The following BABAM2 variants were observed in gnomAD, a reference collection of about 807,000 sequenced individuals.
The protein encoded by BABAM2 is BRISC and BRCA1-A complex member 2.
BABAM2 carries 31 observed loss-of-function variants against 54.7 expected under a neutral mutation model. That is an observed-to-expected ratio of 0.57 (90% confidence interval 0.43 to 0.77). The LOEUF is 0.77. Among genes scored for constraint, BABAM2 ranks in the 30% least tolerant of loss-of-function variants. The pLI, the probability that BABAM2 is intolerant of heterozygous loss-of-function variation, is 0.00. For synonymous variants in BABAM2, 167 were observed against 162.9 expected, an observed-to-expected ratio of 1.03 and a Z score of -0.19; for missense variants, 364 against 455.8, an observed-to-expected ratio of 0.80 and a Z score of 1.83.
Position 27,894,700 on chromosome 2 carries a change from A to C in BABAM2, c.128+16A>C, listed in dbSNP as rs760577310. 3.1e-6 allele frequency: 5 copies of C among 1,613,878 alleles called. No individual in the cohort carries two copies. Among genetic ancestry groups the C allele is most frequent in the South Asian group, 2.2e-5 (2 of 91,070 alleles). On this transcript the variant is annotated intron_variant, in intron 2 of 11. Coordinates refer to ENST00000379624, the MANE Select transcript of BABAM2 (RefSeq NM_199191.3). ...TAAAATCTGGGTATGTACCAGAATG[A>C]ATTCAGTCAATGTACCAGAACCAAT... is the stretch of plus-strand genomic sequence containing the variant.
chr2:27,975,885 C>T (rs1671568393), intron 3 of BABAM2, among the ~76,000 whole-genome samples: 1 of 151,908 alleles, frequency 6.6e-6, no homozygotes, highest in Non-Finnish European at 1.5e-5. Context: ...AAATGGGGAA[C>T]AGATCTGAAC....
chr2:28,273,349 C>T (rs1370460135), intron 10 of BABAM2, among the ~76,000 whole-genome samples: 1 of 152,206 alleles, frequency 6.6e-6, no homozygotes, highest in Non-Finnish European at 1.5e-5. Context: ...TTCTTCTCTT[C>T]TCTCCTCTCC....
intron 7 of BABAM2, among the ~76,000 whole-genome samples, chr2:28,168,954 GCC>G (rs1290622299): frequency 1.3e-5 from 2 of 152,126 alleles, no homozygotes; most frequent in Admixed American, 6.5e-5. Flanking sequence ...TCCCTCATTG[GCC>G]ACCTGTAGCC....
intron 6 of BABAM2, among the ~76,000 whole-genome samples, chr2:28,077,231 T>G (rs1664767768): frequency 6.6e-6 from 1 of 152,232 alleles, no homozygotes; most frequent in Admixed American, 6.5e-5. Context: ...CAACCTGCTA[T>G]ATTTGAATAT....
rs181369111 is a variant in BABAM2 at position 27,898,900 on chromosome 2, T to C, written c.128+4216T>C. On this transcript the variant is annotated intron_variant, in intron 2 of 11. Transcript: ENST00000379624. ...TGGGAATAGATGAAGAATGATCAAA[T>C]TGCACACTTCACAGTGATTTTATGG... Among the ~76,000 whole-genome samples the C allele has an allele frequency of 9.9e-5, 15 of 151,914 alleles. No individual in the cohort carries two copies. In the East Asian group the frequency reaches 2.9e-3, roughly 29 times the overall value.
intron 7 of BABAM2, among the ~76,000 whole-genome samples, chr2:28,165,529 CT>C (rs1192641957): frequency 0.015 from 1,078 of 72,200 alleles, no homozygotes; most frequent in Middle Eastern, 0.04. Context: ...TTTTTCCTTG[CT>C]TTTTTTTTTT....
chr2:28,175,310 C>T (rs1674800383), intron 7 of BABAM2, among the ~76,000 whole-genome samples: 1 of 152,216 alleles, frequency 6.6e-6, no homozygotes, highest in East Asian at 1.9e-4. Flanking sequence ...ACTACCACTG[C>T]TGCCACCACC....
At chr2:28,057,421 G>A (rs758989046) in intron 6 of BABAM2, among the ~76,000 whole-genome samples, 1 of 152,144 alleles carries the variant, frequency 6.6e-6, no homozygotes, top group Admixed American at 6.6e-5. Flanking sequence ...GATCCAGAAA[G>A]GGAAGTGGGG....
chr2:27,893,361 A>C (rs1665017965), intron 1 of BABAM2, among the ~76,000 whole-genome samples: 1 of 152,194 alleles, frequency 6.6e-6, no homozygotes, highest in South Asian at 2.1e-4. Context: ...AAATACCTTA[A>C]GATCCATGTT....
intron 10 of BABAM2, among the ~76,000 whole-genome samples, chr2:28,291,595 CA>C (rs527427296): frequency 0.019 from 2,491 of 131,120 alleles, 59 homozygotes; most frequent in African/African-American, 0.061. Context: ...ACTCCGTCTC[CA>C]AAAAAAAAAA....
At chr2:28,237,952 C>T (rs758040417) in intron 8 of BABAM2, among the ~76,000 whole-genome samples, 3 of 152,052 alleles carry the variant, frequency 2.0e-5, no homozygotes, top group South Asian at 2.1e-4. Context: ...CGGGTTCAAG[C>T]GATTCTCCTG....
At chr2:28,060,663 A>G (rs114765323) in intron 6 of BABAM2, among the ~76,000 whole-genome samples, 3,350 of 152,314 alleles carry the variant, frequency 0.022, 128 homozygotes, top group African/African-American at 0.077. Context: ...AGGTCAATAT[A>G]TAAAATCAAT....
At chr2:28,101,019 G>A (rs1035299286) in intron 6 of BABAM2, among the ~76,000 whole-genome samples, 3 of 152,294 alleles carry the variant, frequency 2.0e-5, no homozygotes. Flanking sequence ...TCCACAGATA[G>A]CAGGGAACAG....
intron 6 of BABAM2, among the ~76,000 whole-genome samples, chr2:28,064,002 C>CT (rs915207291): frequency 3.3e-5 from 5 of 152,180 alleles, no homozygotes; most frequent in Non-Finnish European, 5.9e-5. Context: ...AGCCCACGCT[C>CT]TTTTTACCCC....
chr2:27,943,664 A>G (rs1669091536), intron 3 of BABAM2, among the ~76,000 whole-genome samples: 1 of 152,234 alleles, frequency 6.6e-6, no homozygotes, highest in South Asian at 2.1e-4. Flanking sequence ...AGTTGAGCTA[A>G]GTAAAAAGTT....
chr2:28,050,637 TTATAA>T (rs1416364183), intron 6 of BABAM2, among the ~76,000 whole-genome samples: 1 of 152,254 alleles, frequency 6.6e-6, no homozygotes, highest in South Asian at 2.1e-4. Context: ...CTCAGAGACC[TTATAA>T]TATAATTGAT....
At chr2:27,946,457 A>G (rs1669303218) in intron 3 of BABAM2, among the ~76,000 whole-genome samples, 1 of 152,000 alleles carries the variant, frequency 6.6e-6, no homozygotes, top group Admixed American at 6.6e-5. Context: ...TCTTTTCTTT[A>G]CTTTTAGTTC....
chr2:28,237,374 G>T (rs1171258123), intron 8 of BABAM2, 73 bp downstream of exon 8: 41 of 1,344,102 alleles, frequency 3.1e-5, no homozygotes, highest in Non-Finnish European at 4.3e-5. Flanking sequence ...CAAAATCATC[G>T]TGCATGCTCC....
At chr2:27,905,037 G>C (rs1029976281) in intron 2 of BABAM2, among the ~76,000 whole-genome samples, 15 of 152,190 alleles carry the variant, frequency 9.9e-5, no homozygotes, top group Non-Finnish European at 2.2e-4. Flanking sequence ...AGCTGCTATT[G>C]TGTAGGAATT....
Sources: allele counts gnomAD v4.1 joint callset (sites outside exome capture counted in the v4.1 genomes callset), GRCh38; gene constraint gnomAD v4.1.1; transcripts MANE v1.5; gene names NCBI Gene and HGNC (gene_info 2026-07-23, HGNC 2026-07-21).